RAB11FIP4: variants seen among roughly 807,000 people sequenced by gnomAD.
The protein encoded by RAB11FIP4 is RAB11 family interacting protein 4.
A neutral mutation model predicts 74.3 loss-of-function variants in RAB11FIP4; 23 were observed. The observed-to-expected ratio is 0.31, with a 90% CI of 0.22 to 0.44. The LOEUF is 0.44. Among genes scored for constraint, RAB11FIP4 ranks in the 20% least tolerant of loss-of-function variants. The pLI, the probability that RAB11FIP4 is intolerant of heterozygous loss-of-function variation, is 1.00. For missense variants in RAB11FIP4, 630 were observed against 863.9 expected (o/e 0.73, Z 3.39); for synonymous variants, 360 against 359.9 (o/e 1.00, Z 0.00).
At chr17:31,491,096 A>G (rs2071999028) in intron 3 of RAB11FIP4, among the ~76,000 whole-genome samples, 1 of 152,342 alleles carries the variant, frequency 6.6e-6, no homozygotes, top group African/African-American at 2.4e-5. Flanking sequence ...ATCCATACCA[A>G]TTAGGCACCA....
chr17:31,485,784 C>G (rs914517276), intron 3 of RAB11FIP4, among the ~76,000 whole-genome samples: 3 of 152,156 alleles, frequency 2.0e-5, no homozygotes, highest in African/African-American at 7.2e-5. Context: ...TGTGAGGTAC[C>G]ATTCCCATCT....
At chr17:31,467,338 C>T (rs185703450) in intron 3 of RAB11FIP4, among the ~76,000 whole-genome samples, 13 of 152,068 alleles carry the variant, frequency 8.5e-5, no homozygotes, top group African/African-American at 1.4e-4. Context: ...AGGCTGGTCT[C>T]GAATGCCTGA....
Position 31,528,748 on chromosome 17 carries a change from G to A in RAB11FIP4, c.1623G>A (p.Glu541=), listed in dbSNP as rs1258490563. The change falls in exon 13 of 15, where the codon GAG becomes GAA. Residue 541 remains glutamate (E), a synonymous_variant. Coordinates refer to ENST00000621161, the MANE Select transcript of RAB11FIP4 (RefSeq NM_032932.6). The stretch of plus-strand genomic sequence containing the variant: ...TCAATGCCAGGGCCCGCGAGGTGGA[G>A]CTCGAGCACGAGGTCAAGCGGCTCA... ...GEFNARAREV[E]LEHEVKRLKQ... 1 of 1,610,820 alleles carries A rather than the reference G, an allele frequency of 6.2e-7. No individual in the cohort carries two copies. Among genetic ancestry groups the A allele is most frequent in the Non-Finnish European group, 8.5e-7 (1 of 1,179,490 alleles).
In RAB11FIP4 at chr17:31,512,664, A is replaced by G. The variant is rs2072473053; in HGVS notation, c.337-4987A>G. 6.6e-6 allele frequency among the ~76,000 whole-genome samples: 1 copy of G among 152,044 alleles called. No individual in the cohort carries two copies. The highest frequency in any genetic ancestry group is 1.5e-5 in the Non-Finnish European group (1 of 67,964). ...GAGGGACAGAGCCCTGGCAAGTCAG[A>G]CTGTGCCAGAGACGATGCCCGGTGC... On this transcript the variant is annotated intron_variant, in intron 3 of 14. Coordinates refer to ENST00000621161, the MANE Select transcript of RAB11FIP4 (RefSeq NM_032932.6). This position sits in a 1 kb window ranked among gnomAD's most constrained non-coding sequence, Gnocchi z 4.1.
At chr17:31,495,307 G>A (rs1213445406) in intron 3 of RAB11FIP4, among the ~76,000 whole-genome samples, 3 of 151,436 alleles carry the variant, frequency 2.0e-5, no homozygotes, top group African/African-American at 4.9e-5. Context: ...CTCAGGCGAA[G>A]CTGGCTAGCC....
At chr17:31,453,178 C>T (rs1302580388) in intron 3 of RAB11FIP4, among the ~76,000 whole-genome samples, 1 of 151,854 alleles carries the variant, frequency 6.6e-6, no homozygotes, top group Non-Finnish European at 1.5e-5. Context: ...TAGAGAGACC[C>T]CATATCTACA....
At chr17:31,458,831 C>T (rs1480167599) in intron 3 of RAB11FIP4, among the ~76,000 whole-genome samples, 1 of 152,200 alleles carries the variant, frequency 6.6e-6, no homozygotes, top group African/African-American at 2.4e-5. Context: ...GCCACTTCCT[C>T]CCCAGGAGAA....
intron 10 of RAB11FIP4, chr17:31,527,600 A>AAAAG: frequency 2.1e-6 from 1 of 473,220 alleles, no homozygotes; most frequent in Admixed American, 4.0e-5. Context: ...TCTCAAAAAA[A>AAAAG]AAAGAAAGAA....
chr17:31,415,719 G>A (rs2151621336), intron 1 of RAB11FIP4, among the ~76,000 whole-genome samples: 1 of 152,246 alleles, frequency 6.6e-6, no homozygotes, highest in African/African-American at 2.4e-5. Flanking sequence ...CTGTGGTGGA[G>A]CTGGGACTGG....
intron 3 of RAB11FIP4, among the ~76,000 whole-genome samples, chr17:31,497,247 C>A (rs2072134202): frequency 6.6e-6 from 1 of 152,104 alleles, no homozygotes; most frequent in Non-Finnish European, 1.5e-5. Flanking sequence ...GCCTGTAATC[C>A]CAGCTACCTA....
At position 31,517,514 on chromosome 17, in the gene RAB11FIP4, G is replaced by A. The variant is rs552717760; in HGVS notation, c.337-137G>A. 1.0e-4 allele frequency: 79 copies of A among 756,292 alleles called. 2 individuals are homozygous for A. In the South Asian group the frequency reaches 1.3e-3, roughly 12 times the overall value. The allele number at this position is 756,292 out of a possible 1,614,324, so 46.8% of individuals were successfully genotyped here. ...CTAATCACCTGCCAGGTGTTCCCAC[G>A]CTTAGGGTTCGGGATCTGGGCCTCC... On this transcript the variant is annotated intron_variant, in intron 3 of 14. Transcript: ENST00000621161.
At chr17:31,445,565 TATATATATATATA>T (rs1381826514) in intron 3 of RAB11FIP4, among the ~76,000 whole-genome samples, 35 of 12,428 alleles carry the variant, frequency 2.8e-3, no homozygotes, top group African/African-American at 4.3e-3. Flanking sequence ...TATATATATA[TATATATATATATA>T]TTTTTTTTTT....
intron 3 of RAB11FIP4, chr17:31,488,242 G>A (rs1253133474): frequency 1.7e-6 from 2 of 1,160,670 alleles, no homozygotes; most frequent in Non-Finnish European, 2.1e-6. Context: ...GCGGCCCGCG[G>A]ATGCGCACCC....
At chr17:31,488,290 G>T in intron 3 of RAB11FIP4, 1 of 1,175,540 alleles carries the variant, frequency 8.5e-7, no homozygotes, top group South Asian at 4.2e-5. Flanking sequence ...GCGGCCCCGG[G>T]GCTGGCGCTC....
chr17:31,506,474 C>T (rs765613427), intron 3 of RAB11FIP4, among the ~76,000 whole-genome samples: 6 of 152,216 alleles, frequency 3.9e-5, no homozygotes, highest in Non-Finnish European at 5.9e-5. Context: ...TGCAATAGAA[C>T]ACCAGGACTT....
chr17:31,521,148 G>A lies in RAB11FIP4; in HGVS notation c.564-18G>A. 2.0e-6 allele frequency: 3 copies of A among 1,531,474 alleles called. No homozygotes were observed. The highest frequency in any genetic ancestry group is 2.7e-6 in the Non-Finnish European group (3 of 1,131,074). 94.9% of individuals were successfully genotyped at this position (1,531,474 alleles called of 1,614,324 possible). ...ACCCATGAGTCCTCCTCTGACTTGG[G>A]TGCTCTCGGACCCTCAGGTCCCTGG... On this transcript the variant is annotated intron_variant, in intron 4 of 14. Coordinates refer to ENST00000621161, the MANE Select transcript of RAB11FIP4 (RefSeq NM_032932.6).
At chr17:31,488,185 G>T in intron 3 of RAB11FIP4, 1 of 1,084,390 alleles carries the variant, frequency 9.2e-7, no homozygotes, top group Non-Finnish European at 1.1e-6. Flanking sequence ...CCGCGTCCCC[G>T]CGCGCCGCCG....
At chr17:31,502,478 C>G (rs1597961314) in intron 3 of RAB11FIP4, among the ~76,000 whole-genome samples, 1 of 152,062 alleles carries the variant, frequency 6.6e-6, no homozygotes, top group Admixed American at 6.6e-5. Context: ...ACTTGGGAGG[C>G]TGAGGCAGGA....
chr17:31,473,672 G>A (rs559765402), intron 3 of RAB11FIP4, among the ~76,000 whole-genome samples: 40 of 152,262 alleles, frequency 2.6e-4, no homozygotes, highest in Non-Finnish European at 4.7e-4. Flanking sequence ...GACTGCTGAT[G>A]TAGGTGGAGG....
Sources: gnomAD v4.1 joint callset for allele counts (sites outside exome capture counted in the v4.1 genomes callset) on GRCh38, gnomAD v4.1.1 for gene constraint, Gnocchi (gnomAD v3.1) non-coding constraint, MANE v1.5 for transcripts, NCBI Gene and HGNC (gene_info 2026-07-23, HGNC 2026-07-21) for gene names.